Variants in OPCML observed in about 807,000 individuals in gnomAD.
The protein encoded by OPCML is opioid-binding protein/cell adhesion molecule.
In OPCML, 13 loss-of-function variants were observed where a neutral mutation model predicts 37.8. The observed-to-expected ratio is 0.34, with a 90% CI of 0.22 to 0.55. The LOEUF (loss-of-function observed/expected upper bound fraction) is 0.55, where lower values mean the gene tolerates loss of function less well. Among genes scored for constraint, OPCML ranks in the 20% least tolerant of loss-of-function variants. The pLI, the probability that OPCML is intolerant of heterozygous loss-of-function variation, is 0.91. For missense variants in OPCML, 341 were observed against 435.6 expected, an observed-to-expected ratio of 0.78 and a Z score of 1.93; for synonymous variants, 176 against 168.8, an observed-to-expected ratio of 1.04 and a Z score of -0.33.
At chr11:133,241,389 A>G (rs1940725918) in intron 1 of OPCML, among the ~76,000 whole-genome samples, 1 of 152,230 alleles carries the variant, frequency 6.6e-6, no homozygotes, top group African/African-American at 2.4e-5. Flanking sequence ...GATCCTTCAC[A>G]CAGCTAGGAA....
intron 4 of OPCML, among the ~76,000 whole-genome samples, chr11:132,517,475 C>T (rs1383965103): frequency 6.6e-6 from 1 of 152,130 alleles, no homozygotes; most frequent in Non-Finnish European, 1.5e-5. Context: ...GCATTATCTC[C>T]AGAGGTGGCT....
chr11:132,578,409 G>A (rs4937712), intron 3 of OPCML, among the ~76,000 whole-genome samples: 112,044 of 152,132 alleles, frequency 0.74, 41,799 homozygotes, highest in East Asian at 0.87. Flanking sequence ...TTCTACATCC[G>A]TCACTAAGCA....
At chr11:132,689,918 G>A (rs1943331074) in intron 2 of OPCML, among the ~76,000 whole-genome samples, 1 of 152,094 alleles carries the variant, frequency 6.6e-6, no homozygotes, top group Non-Finnish European at 1.5e-5. Context: ...ATCATTTATA[G>A]GAAAAAAACT....
At chr11:132,808,253 T>C (rs1341504499) in intron 2 of OPCML, among the ~76,000 whole-genome samples, 1 of 152,196 alleles carries the variant, frequency 6.6e-6, no homozygotes, top group Non-Finnish European at 1.5e-5. Flanking sequence ...TGCGGGATGT[T>C]GAGACACTAT....
intron 2 of OPCML, among the ~76,000 whole-genome samples, chr11:132,669,561 T>C (rs1214568319): frequency 6.6e-6 from 1 of 152,072 alleles, no homozygotes; most frequent in Non-Finnish European, 1.5e-5. Context: ...CACAGAAAAA[T>C]GCACTGAGCA....
rs543863334 is a variant in OPCML, at chr11:132,663,992, C to T, written c.147-6673G>A. 5.0e-4 allele frequency among the ~76,000 whole-genome samples: 76 copies of T among 152,200 alleles called. No individual in the cohort carries two copies. In the South Asian group the frequency reaches 0.016, roughly 32 times the overall value. On this transcript the variant is annotated intron_variant, in intron 2 of 7. Transcript: ENST00000524381. ...GGATTACAGGCGCCCGCCACCACGC[C>T]CGGCTAATTTTTTGTATTTTTAGTA...
At chr11:132,436,046 A>G in intron 7 of OPCML, 40 bp downstream of exon 7, 10 of 1,596,406 alleles carry the variant, frequency 6.3e-6, no homozygotes, top group Non-Finnish European at 8.5e-6. Flanking sequence ...AAGCTTCCCC[A>G]TGTGGCTGAG....
intron 1 of OPCML, among the ~76,000 whole-genome samples, chr11:133,276,038 C>G (rs1361510997): frequency 6.6e-6 from 1 of 151,896 alleles, no homozygotes; most frequent in East Asian, 1.9e-4. Flanking sequence ...GGCCAGAGAC[C>G]CAAAAATAAA....
intron 2 of OPCML, among the ~76,000 whole-genome samples, chr11:132,938,835 C>CT (rs1945480077): frequency 6.6e-6 from 1 of 152,130 alleles, no homozygotes; most frequent in African/African-American, 2.4e-5. Context: ...CCAGAAAGGG[C>CT]TTTAGAGCAG....
In OPCML at chr11:132,415,366, G is replaced by A. The variant is rs1312640051; in HGVS notation, c.*4827C>T. The A allele has an allele frequency of 6.6e-6, 1 of 152,174 alleles. No individual in the cohort carries two copies. The highest frequency in any genetic ancestry group is 1.5e-5 in the Non-Finnish European group (1 of 67,934). The allele number at this position is 152,174 out of a possible 1,614,324, so 9.4% of individuals were successfully genotyped here. A position where few individuals can be genotyped will look rare whatever the true frequency, so the allele number is the denominator to read the frequency against. ...AATCTAAAGGACTCTGAACTTGACA[G>A]ACACATTTTCGTTCACCCACACAGT... On this transcript the variant is annotated 3_prime_UTR_variant, in exon 8 of 8. Transcript: ENST00000524381.
intron 1 of OPCML, among the ~76,000 whole-genome samples, chr11:133,011,487 T>C (rs765842997): frequency 4.1e-4 from 62 of 152,186 alleles, no homozygotes; most frequent in Non-Finnish European, 7.8e-4. Flanking sequence ...ATTCCATGAT[T>C]TTACCCAGAG....
chr11:132,731,471 T>C (rs1363126575), intron 2 of OPCML, among the ~76,000 whole-genome samples: 1 of 152,220 alleles, frequency 6.6e-6, no homozygotes, highest in Non-Finnish European at 1.5e-5. Flanking sequence ...TTACAGACTA[T>C]GAAAGATAAG....
chr11:132,915,113 A>G (rs1343277779), intron 2 of OPCML, among the ~76,000 whole-genome samples: 1 of 152,248 alleles, frequency 6.6e-6, no homozygotes, highest in East Asian at 1.9e-4. Flanking sequence ...AGAAGTATAC[A>G]GAACATGTGT....
At chr11:132,785,184 A>G (rs1565861911) in intron 2 of OPCML, among the ~76,000 whole-genome samples, 1 of 152,200 alleles carries the variant, frequency 6.6e-6, no homozygotes. Context: ...CTGATGTCCT[A>G]TGGTGAGCAT....
chr11:133,285,401 T>A (rs968746679), intron 1 of OPCML, among the ~76,000 whole-genome samples: 4 of 152,214 alleles, frequency 2.6e-5, no homozygotes, highest in African/African-American at 7.2e-5. Flanking sequence ...TAAATTTGAA[T>A]GGGAGCCGGA....
intron 3 of OPCML, among the ~76,000 whole-genome samples, chr11:132,593,895 T>C (rs548656200): frequency 3.9e-5 from 6 of 152,298 alleles, no homozygotes; most frequent in African/African-American, 1.4e-4. Context: ...ATGATGAACA[T>C]TTTAAGAGGA....
chr11:132,473,361 C>A (rs1052174818), intron 4 of OPCML, among the ~76,000 whole-genome samples: 1 of 152,212 alleles, frequency 6.6e-6, no homozygotes, highest in Admixed American at 6.5e-5. Flanking sequence ...TGGGGAAAGA[C>A]CCAATCTGTA....
chr11:133,076,795 A>G (rs929690865), intron 1 of OPCML, among the ~76,000 whole-genome samples: 5 of 152,160 alleles, frequency 3.3e-5, no homozygotes, highest in Admixed American at 3.3e-4. Context: ...GTGATGGAGC[A>G]GCGTGAAACA....
chr11:133,193,382 G>A (rs373371806), intron 1 of OPCML, among the ~76,000 whole-genome samples: 14 of 152,260 alleles, frequency 9.2e-5, no homozygotes, highest in African/African-American at 3.4e-4. Context: ...AATCTTAGAA[G>A]GTATCAAGCC....
Sources: gnomAD v4.1 joint callset for allele counts (sites outside exome capture counted in the v4.1 genomes callset) on GRCh38, gnomAD v4.1.1 for gene constraint, MANE v1.5 for transcripts, NCBI Gene and HGNC (gene_info 2026-07-23, HGNC 2026-07-21) for gene names.